PRKN: variants seen among roughly 807,000 people sequenced by gnomAD.
PRKN encodes parkin RBR E3 ubiquitin protein ligase, also known as E3 ubiquitin-protein ligase parkin.
A neutral mutation model predicts 59.5 loss-of-function variants in PRKN; 56 were observed. The ratio of observed to expected loss-of-function variants is 0.94; its 90% confidence interval spans 0.76 to 1.18. The LOEUF (loss-of-function observed/expected upper bound fraction) is 1.18. PRKN is among the 50% of genes most tolerant of loss of function. The pLI, the probability that PRKN is intolerant of heterozygous loss-of-function variation, is 0.00. For synonymous variants in PRKN, 250 were observed against 222.1 expected (o/e 1.13, Z -1.12); for missense variants, 657 against 596.4 (o/e 1.10, Z -1.06).
intron 5 of PRKN, among the ~76,000 whole-genome samples, chr6:162,002,452 C>T (rs10945792): frequency 0.48 from 72,352 of 151,774 alleles, 17,463 homozygotes; most frequent in East Asian, 0.6. Flanking sequence ...TCATAATATT[C>T]CTTTATAAGC....
intron 4 of PRKN, among the ~76,000 whole-genome samples, chr6:162,196,447 C>T (rs1183717492): frequency 1.3e-5 from 2 of 152,178 alleles, no homozygotes; most frequent in African/African-American, 2.4e-5. Context: ...CTTGTGTGTT[C>T]AACTCTGTCT....
At chr6:162,435,719 G>A (rs1789735039) in intron 2 of PRKN, among the ~76,000 whole-genome samples, 1 of 152,156 alleles carries the variant, frequency 6.6e-6, no homozygotes, top group Admixed American at 6.5e-5. Flanking sequence ...AGTTCCATTT[G>A]CAAGGCAAAC....
chr6:161,810,045 G>A (rs1047599509), intron 6 of PRKN, among the ~76,000 whole-genome samples: 5 of 152,092 alleles, frequency 3.3e-5, no homozygotes, highest in African/African-American at 7.2e-5. Flanking sequence ...CTTAAAATTC[G>A]TGCATTGAAG....
At chr6:161,762,995 T>C (rs1033020328) in intron 7 of PRKN, among the ~76,000 whole-genome samples, 2 of 152,108 alleles carry the variant, frequency 1.3e-5, no homozygotes, top group South Asian at 2.1e-4. Context: ...AGAGAGCATA[T>C]AGAAATAAAA....
rs1247187053 is a variant in PRKN, at chr6:161,946,414, A to ACACACACACACACACACT, written c.734+26887_734+26888insAGTGTGTGTGTGTGTGTG. Among the ~76,000 whole-genome samples the ACACACACACACACACACT allele has an allele frequency of 6.7e-3, 761 of 114,390 alleles. 5 individuals are homozygous for ACACACACACACACACACT. The highest frequency in any genetic ancestry group is 9.6e-3 in the Non-Finnish European group (555 of 57,804). The allele number at this position is 114,390 out of a possible 152,430, so 75.0% of individuals were successfully genotyped here. A position where few individuals can be genotyped will look rare whatever the true frequency, so the allele number is the denominator to read the frequency against. The stretch of plus-strand genomic sequence containing the variant: ...CACACACACACACACACACACACAC[A>ACACACACACACACACACT]CTCTCTCTCTCTCTCTCTCTCTCTC... On this transcript the variant is annotated intron_variant, in intron 6 of 11. Coordinates refer to ENST00000366898, the MANE Select transcript of PRKN (RefSeq NM_004562.3).
At chr6:162,090,195 A>C (rs891866286) in intron 4 of PRKN, among the ~76,000 whole-genome samples, 4 of 152,020 alleles carry the variant, frequency 2.6e-5, no homozygotes, top group Non-Finnish European at 5.9e-5. Context: ...AGATCATTAT[A>C]AGGAAGGATG....
chr6:161,743,345 G>A (rs567332942), intron 7 of PRKN, among the ~76,000 whole-genome samples: 11 of 148,246 alleles, frequency 7.4e-5, no homozygotes, highest in South Asian at 4.3e-4. Flanking sequence ...TCAGCCTCCC[G>A]AGCAGCTGGG....
In PRKN at chr6:161,440,291, T is replaced by C. The variant is rs1196136782; in HGVS notation, c.1084-53414A>G. Among the ~76,000 whole-genome samples the C allele has an allele frequency of 2.0e-5, 3 of 152,146 alleles. No individual in the cohort carries two copies. The highest frequency in any genetic ancestry group is 1.3e-4 in the Admixed American group (2 of 15,268). On this transcript the variant is annotated intron_variant, in intron 9 of 11. Coordinates refer to ENST00000366898, the MANE Select transcript of PRKN (RefSeq NM_004562.3). This position sits in a 1 kb window ranked among gnomAD's most constrained non-coding sequence, Gnocchi z 4.1. The stretch of plus-strand genomic sequence containing the variant: ...TTACCCTTCCCATTATGTCAGAAGT[T>C]CTCAGTTGACAATGTCTGGAGACAT...
chr6:162,517,418 GTTT>G (rs71818014), intron 1 of PRKN, among the ~76,000 whole-genome samples: 2 of 143,698 alleles, frequency 1.4e-5, no homozygotes, highest in Non-Finnish European at 3.1e-5. Flanking sequence ...CGACTAATTT[GTTT>G]TTTTTTTTGT....
At chr6:161,367,260 C>A (rs984152535) in intron 10 of PRKN, among the ~76,000 whole-genome samples, 2 of 151,896 alleles carry the variant, frequency 1.3e-5, no homozygotes, top group Non-Finnish European at 2.9e-5. Flanking sequence ...GGATTACAGG[C>A]GTGAGCCACC....
At chr6:162,419,554 G>C (rs1042204379) in intron 2 of PRKN, among the ~76,000 whole-genome samples, 3 of 152,074 alleles carry the variant, frequency 2.0e-5, no homozygotes. Flanking sequence ...CAACAAGCTG[G>C]AACCCAGGAA....
intron 3 of PRKN, among the ~76,000 whole-genome samples, chr6:162,257,488 T>C (rs999599140): frequency 2.6e-5 from 4 of 152,106 alleles, no homozygotes; most frequent in Admixed American, 6.6e-5. Flanking sequence ...CTGATAGCTA[T>C]ATTCAGGAAA....
At chr6:161,368,311 A>G (rs368079683) in intron 10 of PRKN, among the ~76,000 whole-genome samples, 121 of 103,326 alleles carry the variant, frequency 1.2e-3, no homozygotes, top group African/African-American at 2.4e-3. Context: ...ATATATTTGT[A>G]TATATATTTA....
intron 9 of PRKN, among the ~76,000 whole-genome samples, chr6:161,426,913 G>A (rs561447161): frequency 6.7e-6 from 1 of 148,188 alleles, no homozygotes; most frequent in Admixed American, 6.7e-5. Flanking sequence ...TAGAGATGGG[G>A]TTTCATCATG....
intron 6 of PRKN, among the ~76,000 whole-genome samples, chr6:161,950,597 A>T (rs1779951325): frequency 6.6e-6 from 1 of 152,182 alleles, no homozygotes; most frequent in African/African-American, 2.4e-5. Flanking sequence ...ACAAATGGTT[A>T]CAAAACCAAA....
chr6:161,857,011 C>T (rs926663185), intron 6 of PRKN, among the ~76,000 whole-genome samples: 1 of 80,098 alleles, frequency 1.2e-5, no homozygotes, highest in Non-Finnish European at 2.7e-5. Flanking sequence ...AGGTGGATCA[C>T]CTGAGGTCAG....
At position 161,359,627 on chromosome 6, in the gene PRKN, C is replaced by T. The variant is rs1027382789; in HGVS notation, c.1285+461G>A. Among the ~76,000 whole-genome samples, 1 of 152,170 alleles carries T rather than the reference C, an allele frequency of 6.6e-6. No individual in the cohort carries two copies. The highest frequency in any genetic ancestry group is 2.4e-5 in the African/African-American group (1 of 41,432). The stretch of plus-strand genomic sequence containing the variant: ...GTACTGTGAGTCATCAGGGGCAGGC[C>T]ACAGGGATCTTTAAATATAGACGAG... On this transcript the variant is annotated intron_variant, in intron 11 of 11. Coordinates refer to ENST00000366898, the MANE Select transcript of PRKN (RefSeq NM_004562.3). This position sits in a 1 kb window ranked among gnomAD's most constrained non-coding sequence, Gnocchi z 5.4.
At chr6:162,075,093 G>C (rs1778763368) in intron 4 of PRKN, among the ~76,000 whole-genome samples, 1 of 152,196 alleles carries the variant, frequency 6.6e-6, no homozygotes, top group Admixed American at 6.5e-5. Flanking sequence ...TAGTCTGGCT[G>C]TTGCATGGAG....
chr6:162,311,186 T>G (rs1275017382), intron 2 of PRKN, among the ~76,000 whole-genome samples: 2 of 152,168 alleles, frequency 1.3e-5, no homozygotes, highest in Non-Finnish European at 2.9e-5. Flanking sequence ...GATTGCTGAT[T>G]TATAACTTTG....
Sources: allele counts gnomAD v4.1 joint callset (sites outside exome capture counted in the v4.1 genomes callset), GRCh38; gene constraint gnomAD v4.1.1; non-coding constraint Gnocchi (gnomAD v3.1); transcripts MANE v1.5; gene names NCBI Gene and HGNC (gene_info 2026-07-23, HGNC 2026-07-21).